Variants in TRIM33 observed in about 807,000 individuals in gnomAD.
TRIM33 encodes E3 ubiquitin-protein ligase TRIM33.
Under a neutral mutation model 125.4 loss-of-function variants are expected in TRIM33, and 20 were observed. The observed-to-expected ratio is 0.16, with a 90% CI of 0.11 to 0.23. TRIM33 has a LOEUF of 0.23. Among genes scored for constraint, TRIM33 ranks in the 10% least tolerant of loss-of-function variants. TRIM33 has a pLI of 1.00. For missense variants in TRIM33, 920 were observed against 1,411.4 expected, an observed-to-expected ratio of 0.65 and a Z score of 5.58; for synonymous variants, 564 against 513.9, an observed-to-expected ratio of 1.10 and a Z score of -1.32.
At chr1:114,456,713 T>G (rs1649650232) in intron 4 of TRIM33, among the ~76,000 whole-genome samples, 1 of 152,158 alleles carries the variant, frequency 6.6e-6, no homozygotes, top group South Asian at 2.1e-4. Context: ...CATAATTTGA[T>G]TAGGAGAAAT....
At chr1:114,469,705 G>C (rs192408481) in intron 1 of TRIM33, among the ~76,000 whole-genome samples, 1 of 152,308 alleles carries the variant, frequency 6.6e-6, no homozygotes, top group East Asian at 1.9e-4. Flanking sequence ...TATAGCAATG[G>C]AGGTAGCGGC....
At chr1:114,446,940 C>CTGAGGCAGAAGGAT (rs1372792909) in intron 4 of TRIM33, among the ~76,000 whole-genome samples, 2 of 152,084 alleles carry the variant, frequency 1.3e-5, no homozygotes, top group Non-Finnish European at 2.9e-5. Context: ...ACTTGGGAGG[C>CTGAGGCAGAAGGAT]TGAGGCAGAA....
intron 1 of TRIM33, among the ~76,000 whole-genome samples, 200 bp downstream of exon 1, chr1:114,510,351 C>T (rs953699503): frequency 1.5e-4 from 23 of 152,264 alleles, no homozygotes; most frequent in African/African-American, 5.5e-4. Flanking sequence ...TCGCAGCCGG[C>T]ACCCCTCCCT....
At chr1:114,485,304 G>GA (rs11405844) in intron 1 of TRIM33, among the ~76,000 whole-genome samples, 19,923 of 148,220 alleles carry the variant, frequency 0.13, 1,353 homozygotes, top group African/African-American at 0.16. Flanking sequence ...TAAAAATACT[G>GA]AAAAAAAAAA....
chr1:114,504,936 T>C (rs1012024883), intron 1 of TRIM33, among the ~76,000 whole-genome samples: 1 of 152,108 alleles, frequency 6.6e-6, no homozygotes, highest in Non-Finnish European at 1.5e-5. Flanking sequence ...TGCTGTGAGA[T>C]ACAGTCACAA....
At chr1:114,443,987 A>T (rs1014408559) in intron 4 of TRIM33, among the ~76,000 whole-genome samples, 2 of 152,234 alleles carry the variant, frequency 1.3e-5, no homozygotes, top group Non-Finnish European at 2.9e-5. Context: ...GAAGACAGAA[A>T]TACATGAGGC....
At chr1:114,425,405 G>A (rs752597586) in intron 9 of TRIM33, 44 bp downstream of exon 9, 66 of 1,598,534 alleles carry the variant, frequency 4.1e-5, no homozygotes, top group Non-Finnish European at 5.6e-5. Flanking sequence ...GTAGTGTTGA[G>A]GGCTTCATAA....
At chr1:114,488,526 G>A (rs1651854617) in intron 1 of TRIM33, among the ~76,000 whole-genome samples, 1 of 152,168 alleles carries the variant, frequency 6.6e-6, no homozygotes, top group African/African-American at 2.4e-5. Context: ...CACTTTGAGA[G>A]GCTGAGGCGG....
At chr1:114,431,717 C>A (rs1031373569) in intron 5 of TRIM33, among the ~76,000 whole-genome samples, 1 of 152,244 alleles carries the variant, frequency 6.6e-6, no homozygotes, top group South Asian at 2.1e-4. Context: ...TTGCCAAGTT[C>A]GAATTTAGTT....
chr1:114,494,766 TTAAA>T (rs1347246203), intron 1 of TRIM33, among the ~76,000 whole-genome samples: 1 of 152,236 alleles, frequency 6.6e-6, no homozygotes, highest in African/African-American at 2.4e-5. Context: ...ACTTAAGTAC[TTAAA>T]TAAACTTTTA....
intron 1 of TRIM33, among the ~76,000 whole-genome samples, chr1:114,479,619 G>A (rs1430734779): frequency 2.6e-5 from 4 of 152,186 alleles, no homozygotes; most frequent in Admixed American, 6.5e-5. Context: ...AAATCTAAAG[G>A]AAGTCTGTCA....
chr1:114,498,439 G>C (rs1316505461), intron 1 of TRIM33, among the ~76,000 whole-genome samples: 1 of 152,088 alleles, frequency 6.6e-6, no homozygotes, highest in East Asian at 1.9e-4. Flanking sequence ...CCTGAGGTCA[G>C]GAGTTCAAGA....
At chr1:114,444,812 C>T (rs1480258654) in intron 4 of TRIM33, among the ~76,000 whole-genome samples, 1 of 152,044 alleles carries the variant, frequency 6.6e-6, no homozygotes, top group Non-Finnish European at 1.5e-5. Context: ...AATAGGAAAG[C>T]CTAACTCACA....
intron 4 of TRIM33, among the ~76,000 whole-genome samples, chr1:114,459,559 T>A (rs184453307): frequency 1.2e-3 from 177 of 152,304 alleles, no homozygotes; most frequent in African/African-American, 4.0e-3. Flanking sequence ...CATTTGAGCC[T>A]AAGAGTTTAA....
intron 5 of TRIM33, among the ~76,000 whole-genome samples, chr1:114,431,731 T>C (rs1647961681): frequency 6.6e-6 from 1 of 152,236 alleles, no homozygotes; most frequent in Admixed American, 6.5e-5. Flanking sequence ...TTTAGTTAAC[T>C]TTAATACACT....
chr1:114,422,809 T>C (rs766387868), intron 10 of TRIM33, among the ~76,000 whole-genome samples: 43 of 152,214 alleles, frequency 2.8e-4, no homozygotes, highest in Non-Finnish European at 5.3e-4. Context: ...TTAAATAGTT[T>C]TGATAGATCG....
chr1:114,473,189 G>A (rs751183771), intron 1 of TRIM33, among the ~76,000 whole-genome samples: 14 of 151,218 alleles, frequency 9.3e-5, no homozygotes, highest in Non-Finnish European at 1.8e-4. Flanking sequence ...CTCGGGAGGC[G>A]GAGCTTGCAG....
chr1:114,445,654 A>G (rs1435769842), intron 4 of TRIM33, among the ~76,000 whole-genome samples: 2 of 152,208 alleles, frequency 1.3e-5, no homozygotes, highest in Admixed American at 6.5e-5. Flanking sequence ...CTCCATGGTC[A>G]AAAGGGAAAG....
intron 6 of TRIM33, among the ~76,000 whole-genome samples, chr1:114,428,377 G>T (rs1647725813): frequency 6.6e-6 from 1 of 152,146 alleles, no homozygotes; most frequent in African/African-American, 2.4e-5. Context: ...TCTAAGAGTA[G>T]AATTAGGGAA....
Sources: gnomAD v4.1 joint callset for allele counts (sites outside exome capture counted in the v4.1 genomes callset) on GRCh38, gnomAD v4.1.1 for gene constraint, MANE v1.5 for transcripts, NCBI Gene and HGNC (gene_info 2026-07-23, HGNC 2026-07-21) for gene names.